RGMB: variants seen among roughly 807,000 people sequenced by gnomAD.
RGMB encodes repulsive guidance molecule B.
Under a neutral mutation model 26.9 loss-of-function variants are expected in RGMB, and 16 were observed. The ratio of observed to expected loss-of-function variants is 0.60; its 90% CI spans 0.40 to 0.90. RGMB has a LOEUF of 0.90. RGMB is among the 40% of genes least tolerant of loss of function. The pLI is 0.00. For synonymous variants in RGMB, 225 were observed against 229.3 expected (o/e 0.98, Z 0.17); for missense variants, 512 against 573.3 (o/e 0.89, Z 1.09).
chr5:98,796,363 CTT>C lies in RGMB; in HGVS notation c.*2612_*2613del, dbSNP rs1747129163. On this transcript the variant is annotated 3_prime_UTR_variant, in exon 3 of 3. Coordinates refer to ENST00000513185, the MANE Select transcript of RGMB (RefSeq NM_001366508.1). The stretch of plus-strand genomic sequence containing the variant: ...CCCCCCCCCCAACAGTGTGTCGAGT[CTT>C]TGCAAAGAAACCTTTAGATGTGGTT... 7.2e-6 allele frequency: 1 copy of C among 138,706 alleles called. No homozygotes were observed. Among genetic ancestry groups the C allele is most frequent in the African/African-American group, 2.7e-5 (1 of 36,914 alleles). The allele number at this position is 138,706 out of a possible 1,614,324, so 8.6% of individuals were successfully genotyped here. A position where few individuals can be genotyped will look rare whatever the true frequency, so the allele number is the denominator to read the frequency against.
chr5:98,790,020 A>C (rs1361415234), intron 2 of RGMB, among the ~76,000 whole-genome samples: 1 of 152,200 alleles, frequency 6.6e-6, no homozygotes, highest in Non-Finnish European at 1.5e-5. Flanking sequence ...GAATGAATAA[A>C]TTTTGCTTTT....
Position 98,784,454 on chromosome 5 carries a change from G to T in RGMB, c.645+4366G>T, listed in dbSNP as rs577986029. Among the ~76,000 whole-genome samples, 34 of 152,266 alleles carry T rather than the reference G, an allele frequency of 2.2e-4. No individual in the cohort carries two copies. In the East Asian group the frequency reaches 6.0e-3, roughly 27 times the overall value. On this transcript the variant is annotated intron_variant, in intron 2 of 2. Transcript: ENST00000513185. ...ACTCTGTAACCTACAGTTTTCCATT[G>T]TAAGAAACACCATTACCTTGTAGGC...
At chr5:98,769,132 A>G (rs1746066523), upstream of RGMB, among the ~76,000 whole-genome samples, 1 of 152,096 alleles carries the variant, frequency 6.6e-6, no homozygotes, top group Admixed American at 6.5e-5. Flanking sequence ...GGGGAAGGCG[A>G]AGAGAGAACT....
intron 1 of RGMB, among the ~76,000 whole-genome samples, chr5:98,777,600 C>G (rs929086164): frequency 1.3e-5 from 2 of 152,126 alleles, no homozygotes; most frequent in African/African-American, 4.8e-5. Context: ...CTTTAATATC[C>G]CTTTGCCTTG....
intron 2 of RGMB, 81 bp downstream of exon 2, chr5:98,780,169 T>C: frequency 7.6e-7 from 1 of 1,307,246 alleles, no homozygotes; most frequent in Non-Finnish European, 1.0e-6. Context: ...TGAAATGTGC[T>C]ATAAAGGGCC....
chr5:98,795,706 C>T lies in RGMB; in HGVS notation c.*1953C>T, dbSNP rs535896145. The T allele has an allele frequency of 7.9e-5, 12 of 152,210 alleles. No individual in the cohort carries two copies. In the South Asian group the frequency reaches 2.5e-3, roughly 32 times the overall value. 9.4% of individuals were successfully genotyped at this position (152,210 alleles called of 1,614,324 possible). On this transcript the variant is annotated 3_prime_UTR_variant, in exon 3 of 3. Transcript: ENST00000513185. The stretch of plus-strand genomic sequence containing the variant: ...TTTTGTTCACCTATGATGCCATGTA[C>T]CAAATTCAGAAGCTATCGTTAATAA...
At chr5:98,781,341 C>A (rs562138962) in intron 2 of RGMB, among the ~76,000 whole-genome samples, 4 of 152,314 alleles carry the variant, frequency 2.6e-5, no homozygotes, top group African/African-American at 9.6e-5. Context: ...TACTTCAACT[C>A]TCAGTAAAAG....
chr5:98,783,095 G>A (rs1746659860), intron 2 of RGMB, among the ~76,000 whole-genome samples: 1 of 152,134 alleles, frequency 6.6e-6, no homozygotes, highest in Admixed American at 6.5e-5. Flanking sequence ...TTGTTTTCCT[G>A]TTGGTCATGG....
At chr5:98,786,099 T>C (rs1746759686) in intron 2 of RGMB, among the ~76,000 whole-genome samples, 1 of 152,242 alleles carries the variant, frequency 6.6e-6, no homozygotes, top group Non-Finnish European at 1.5e-5. Flanking sequence ...TATGCTATAC[T>C]TTTCAAAGAA....
chr5:98,773,176 C>G (rs990089719), upstream of RGMB: 12 of 152,036 alleles, frequency 7.9e-5, no homozygotes, highest in Admixed American at 7.2e-4. Flanking sequence ...TGTAAAAGCG[C>G]CTGCTTCCTC....
At chr5:98,772,203 T>C (rs934032551), upstream of RGMB, among the ~76,000 whole-genome samples, 12 of 152,218 alleles carry the variant, frequency 7.9e-5, no homozygotes, top group African/African-American at 2.9e-4. Flanking sequence ...TTGGATTATA[T>C]TGTGGATAGT....
At chr5:98,783,419 A>G (rs555322145) in intron 2 of RGMB, among the ~76,000 whole-genome samples, 31 of 152,330 alleles carry the variant, frequency 2.0e-4, no homozygotes, top group African/African-American at 7.2e-4. Context: ...AGAGTTAGCT[A>G]CACTGAGAAG....
At position 98,779,484 on chromosome 5, in the gene RGMB, GAACA is replaced by G; in HGVS notation, c.137-90_137-87del. The G allele has an allele frequency of 2.4e-6, 3 of 1,267,672 alleles. No homozygotes were observed. In the South Asian group the frequency reaches 5.7e-5, roughly 24 times the overall value. The allele number at this position is 1,267,672 out of a possible 1,614,324, so 78.5% of individuals were successfully genotyped here. A position where few individuals can be genotyped will look rare whatever the true frequency, so the allele number is the denominator to read the frequency against. On this transcript the variant is annotated intron_variant, in intron 1 of 2. Transcript: ENST00000513185. ...AAATAGGAGTACAGTGTATAAAATA[GAACA>G]AACAATTCCCAAAGAACAATGTGAT... is the stretch of plus-strand genomic sequence containing the variant.
At chr5:98,791,311 A>C (rs541286257) in intron 2 of RGMB, among the ~76,000 whole-genome samples, 13 of 152,334 alleles carry the variant, frequency 8.5e-5, no homozygotes, top group South Asian at 8.3e-4. Flanking sequence ...GCTACAGTGC[A>C]GCTGGTTCAG....
rs1476204465 is a variant in RGMB at position 98,773,716 on chromosome 5, G to A, written c.-355G>A. On this transcript the variant is annotated 5_prime_UTR_variant, in exon 1 of 3. Transcript: ENST00000513185. ...GTCGCTAGGGCTGGGCCAGCCTCTT[G>A]GAGGTCCACGCCCGCCGAGCCCACG... 1.1e-5 allele frequency: 4 copies of A among 375,722 alleles called. No individual in the cohort carries two copies. The highest frequency in any genetic ancestry group is 1.9e-5 in the Non-Finnish European group (4 of 211,984). The allele number at this position is 375,722 out of a possible 1,614,324, so 23.3% of individuals were successfully genotyped here. A position where few individuals can be genotyped will look rare whatever the true frequency, so the allele number is the denominator to read the frequency against.
chr5:98,793,313 G>A lies in RGMB; in HGVS notation c.874G>A (p.Ala292Thr). Residue 292 changes from alanine to threonine, a missense_variant, in exon 3 of 3, where the codon GCC becomes ACC. Ala to Thr is a moderately conservative substitution (Grantham distance 58, BLOSUM62 0). Coordinates refer to ENST00000513185, the MANE Select transcript of RGMB (RefSeq NM_001366508.1). ...GCAGGTGGGTCGCTACCTGACCCTTGCCATCCGTATGCCTGAAGACCTGGC... is the reference window on the plus strand; with the variant it reads ...GCAGGTGGGTCGCTACCTGACCCTTACCATCCGTATGCCTGAAGACCTGGC... ...VRQVGRYLTL[A>T]IRMPEDLAMS... is the part of the protein sequence containing the mutation. 1 of 1,613,820 alleles carries A rather than the reference G, an allele frequency of 6.2e-7. No homozygotes were observed. The highest frequency in any genetic ancestry group is 8.5e-7 in the Non-Finnish European group (1 of 1,179,830).
upstream of RGMB, chr5:98,770,700 G>A: frequency 7.1e-7 from 1 of 1,413,062 alleles, no homozygotes; most frequent in Non-Finnish European, 9.4e-7. Context: ...GATTTCTCAA[G>A]TCGCCCGCTT....
At chr5:98,775,327 TATG>T in intron 1 of RGMB, among the ~76,000 whole-genome samples, 1 of 152,320 alleles carries the variant, frequency 6.6e-6, no homozygotes, top group East Asian at 1.9e-4. Flanking sequence ...AGCTTTGCAT[TATG>T]ATGTAATAGC....
chr5:98,795,903 C>G lies in RGMB; in HGVS notation c.*2150C>G, dbSNP rs1029725925. The G allele has an allele frequency of 2.6e-5, 4 of 152,096 alleles. No individual in the cohort carries two copies. The highest frequency in any genetic ancestry group is 9.7e-5 in the African/African-American group (4 of 41,420). The allele number at this position is 152,096 out of a possible 1,614,324, so 9.4% of individuals were successfully genotyped here. On this transcript the variant is annotated 3_prime_UTR_variant, in exon 3 of 3. Transcript: ENST00000513185. ...CCTTTGCTCTTTTCAGGGAAAATAA[C>G]AACCACCCTTACTGATAGTTGGGAA...
Sources: allele counts gnomAD v4.1 joint callset (sites outside exome capture counted in the v4.1 genomes callset), GRCh38; gene constraint gnomAD v4.1.1; transcripts MANE v1.5; gene names NCBI Gene and HGNC (gene_info 2026-07-23, HGNC 2026-07-21).